Variants in EPB41 observed in about 807,000 individuals in gnomAD.
The protein encoded by EPB41 is protein 4.1.
In EPB41, 65 loss-of-function variants were observed where a neutral mutation model predicts 108.0. The ratio of observed to expected loss-of-function variants is 0.60; its 90% CI spans 0.49 to 0.74. The LOEUF is 0.74. Among genes scored for constraint, EPB41 ranks in the 30% least tolerant of loss-of-function variants. The pLI is 0.00. For missense variants in EPB41, 875 were observed against 1,037.0 expected, an observed-to-expected ratio of 0.84 and a Z score of 2.15; for synonymous variants, 336 against 358.9, an observed-to-expected ratio of 0.94 and a Z score of 0.72.
At chr1:29,061,560 C>T (rs1414546183) in intron 15 of EPB41, among the ~76,000 whole-genome samples, 4 of 127,232 alleles carry the variant, frequency 3.1e-5, no homozygotes, top group Admixed American at 8.5e-5. Context: ...TGAGCCACTG[C>T]GCCTGGCCTT....
chr1:29,080,179 C>A (rs566722835), intron 16 of EPB41, among the ~76,000 whole-genome samples: 1 of 150,994 alleles, frequency 6.6e-6, no homozygotes, highest in Admixed American at 6.6e-5. Context: ...AGTGCAGTGG[C>A]GCAATCTTGG....
Position 28,993,430 on chromosome 1 carries a change from A to G in EPB41, c.569A>G (p.Gln190Arg). 6.2e-7 allele frequency: 1 copy of G among 1,614,092 alleles called. No individual in the cohort carries two copies. The highest frequency in any genetic ancestry group is 1.1e-5 in the South Asian group (1 of 91,082). ...ATAGAAGTAAAAGAAGAAAGCCCTC[A>G]ATCAAAAGCAGAAACAGAATTAAAA... is the stretch of plus-strand genomic sequence containing the variant. ...SKIEVKEESP[Q>R]SKAETELKAS... Residue 190 changes from glutamine to arginine, a missense_variant, in exon 3 of 21, where the codon CAA (glutamine) becomes CGA (arginine). This residue lies in a region of EPB41 where 353 missense variants were observed against 393.2 expected (regional missense o/e 0.90). Transcript: ENST00000343067.
intron 5 of EPB41, among the ~76,000 whole-genome samples, chr1:29,014,762 C>T (rs1333183267): frequency 1.3e-5 from 2 of 152,144 alleles, no homozygotes; most frequent in African/African-American, 2.4e-5. Flanking sequence ...CACACGTGAA[C>T]GTGTGTTTTA....
chr1:28,956,543 C>A (rs1451457377), intron 1 of EPB41, among the ~76,000 whole-genome samples: 2 of 152,162 alleles, frequency 1.3e-5, no homozygotes, highest in African/African-American at 4.8e-5. Context: ...TTATTTGTCT[C>A]TTGGAAAGTT....
intron 1 of EPB41, among the ~76,000 whole-genome samples, chr1:28,938,218 G>C (rs1209573612): frequency 6.6e-6 from 1 of 152,126 alleles, no homozygotes; most frequent in African/African-American, 2.4e-5. Flanking sequence ...TTTAGCATCA[G>C]TTTTGTCCAT....
chr1:29,067,171 A>C (rs1573479594), intron 16 of EPB41, among the ~76,000 whole-genome samples: 1 of 148,530 alleles, frequency 6.7e-6, no homozygotes, highest in East Asian at 2.1e-4. Context: ...CCTGGCCAAC[A>C]TGGCGAAACC....
intron 1 of EPB41, among the ~76,000 whole-genome samples, chr1:28,926,810 T>C (rs563466980): frequency 4.6e-5 from 7 of 152,368 alleles, no homozygotes; most frequent in Admixed American, 2.0e-4. Flanking sequence ...TCTTGACTTA[T>C]GCATTTTTCT....
At chr1:28,965,306 A>G (rs890573345) in intron 1 of EPB41, among the ~76,000 whole-genome samples, 4 of 152,158 alleles carry the variant, frequency 2.6e-5, no homozygotes, top group Admixed American at 6.5e-5. Flanking sequence ...TAGGCCTCCA[A>G]TGAGAATTTT....
At chr1:28,970,022 A>G (rs536508580) in intron 1 of EPB41, among the ~76,000 whole-genome samples, 1 of 152,372 alleles carries the variant, frequency 6.6e-6, no homozygotes, top group South Asian at 2.1e-4. Context: ...GTCCCATAGT[A>G]GAGGCTTTTC....
intron 1 of EPB41, among the ~76,000 whole-genome samples, 186 bp downstream of exon 1, chr1:28,914,954 G>C (rs1047821738): frequency 6.6e-6 from 1 of 152,142 alleles, no homozygotes; most frequent in South Asian, 2.1e-4. Flanking sequence ...CGCCAGCCGG[G>C]ACGCGGCCCG....
chr1:28,961,817 A>G (rs1293279701), intron 1 of EPB41, among the ~76,000 whole-genome samples: 2 of 152,200 alleles, frequency 1.3e-5, no homozygotes, highest in Non-Finnish European at 2.9e-5. Context: ...AAATCTTTAC[A>G]GTACAGTTTA....
At chr1:28,982,434 C>G in intron 1 of EPB41, 5 of 756,664 alleles carry the variant, frequency 6.6e-6, no homozygotes, top group Non-Finnish European at 1.2e-5. Context: ...TGATCTTCTT[C>G]TTGCCCATGG....
intron 1 of EPB41, among the ~76,000 whole-genome samples, chr1:28,931,202 T>C (rs1229627730): frequency 2.0e-5 from 3 of 151,840 alleles, no homozygotes; most frequent in South Asian, 4.2e-4. Context: ...AGTTTCATAC[T>C]AGCCAGGGCA....
At chr1:28,931,387 A>C (rs1363946490) in intron 1 of EPB41, among the ~76,000 whole-genome samples, 1 of 151,438 alleles carries the variant, frequency 6.6e-6, no homozygotes, top group African/African-American at 2.4e-5. Context: ...AAAAAAAAAA[A>C]AAAGGCTGAA....
At chr1:28,919,077 A>G (rs952029060) in intron 1 of EPB41, among the ~76,000 whole-genome samples, 2 of 152,358 alleles carry the variant, frequency 1.3e-5, no homozygotes, top group African/African-American at 2.4e-5. Flanking sequence ...GGTGTTAGAA[A>G]GGAGAACTTT....
chr1:29,039,030 C>T (rs772206434), intron 10 of EPB41, among the ~76,000 whole-genome samples: 12 of 152,180 alleles, frequency 7.9e-5, no homozygotes, highest in African/African-American at 2.9e-4. Flanking sequence ...CTGTAAGGCC[C>T]TTTCTATAGA....
intron 16 of EPB41, chr1:29,068,715 T>C: frequency 1.6e-6 from 2 of 1,231,630 alleles, no homozygotes; most frequent in Non-Finnish European, 2.0e-6. Flanking sequence ...GAATTTTATA[T>C]AATTTGTGTA....
intron 1 of EPB41, among the ~76,000 whole-genome samples, chr1:28,939,827 C>T (rs1328246617): frequency 1.3e-5 from 2 of 152,206 alleles, no homozygotes; most frequent in Admixed American, 1.3e-4. Flanking sequence ...GCTACACAAT[C>T]ACCTCAAAAC....
intron 1 of EPB41, among the ~76,000 whole-genome samples, chr1:28,905,719 G>A (rs1354164488): frequency 6.6e-6 from 1 of 152,104 alleles, no homozygotes; most frequent in Non-Finnish European, 1.5e-5. Flanking sequence ...TGAAGGGTGG[G>A]TGACTTGCCT....
Sources: allele counts gnomAD v4.1 joint callset (sites outside exome capture counted in the v4.1 genomes callset), GRCh38; gene constraint gnomAD v4.1.1; regional missense constraint gnomAD v4.1.1; transcripts MANE v1.5; gene names NCBI Gene and HGNC (gene_info 2026-07-23, HGNC 2026-07-21).